TUSC3: variants seen among roughly 807,000 people sequenced by gnomAD.
The protein encoded by TUSC3 is tumor suppressor candidate 3.
A neutral mutation model predicts 44.8 loss-of-function variants in TUSC3; 45 were observed. The ratio of observed to expected loss-of-function variants is 1.00; its 90% CI spans 0.79 to 1.29. TUSC3 has a LOEUF of 1.29. TUSC3 is among the 50% of genes most tolerant of loss of function. The pLI is 0.00. For missense variants in TUSC3, 519 were observed against 437.9 expected, an observed-to-expected ratio of 1.19 and a Z score of -1.65; for synonymous variants, 212 against 152.9, an observed-to-expected ratio of 1.39 and a Z score of -2.85.
At chr8:15,718,862 A>T (rs1810176002) in intron 6 of TUSC3, among the ~76,000 whole-genome samples, 1 of 152,076 alleles carries the variant, frequency 6.6e-6, no homozygotes, top group African/African-American at 2.4e-5. Context: ...ATCAGTTTTA[A>T]TGTTGTTGCC....
intron 1 of TUSC3, among the ~76,000 whole-genome samples, chr8:15,475,106 C>G (rs766398703): frequency 1.3e-5 from 2 of 152,082 alleles, no homozygotes; most frequent in South Asian, 4.1e-4. Context: ...ATGATAATAA[C>G]AGCTAATATT....
intron 1 of TUSC3, among the ~76,000 whole-genome samples, chr8:15,437,812 A>C (rs7816558): frequency 2.0e-5 from 3 of 152,144 alleles, no homozygotes; most frequent in Middle Eastern, 3.4e-3. Flanking sequence ...GTCATGCCTT[A>C]AGGACTCAGA....
At chr8:15,511,811 C>T (rs1007107575) in intron 2 of TUSC3, among the ~76,000 whole-genome samples, 10 of 151,760 alleles carry the variant, frequency 6.6e-5, no homozygotes, top group African/African-American at 2.2e-4. Context: ...GCGAACATTG[C>T]AGTGAGCCAA....
chr8:15,490,638 T>C (rs931391190), intron 2 of TUSC3, among the ~76,000 whole-genome samples: 3 of 152,210 alleles, frequency 2.0e-5, no homozygotes, highest in Admixed American at 6.5e-5. Context: ...CTATAAAACA[T>C]GATACATTTG....
At chr8:15,495,424 A>C (rs1261525904) in intron 2 of TUSC3, among the ~76,000 whole-genome samples, 1 of 152,202 alleles carries the variant, frequency 6.6e-6, no homozygotes, top group Non-Finnish European at 1.5e-5. Flanking sequence ...CCTTCAGGTG[A>C]GTTCACATAC....
At chr8:15,770,856 G>A (rs2129227179), downstream of TUSC3, among the ~76,000 whole-genome samples, 1 of 152,174 alleles carries the variant, frequency 6.6e-6, no homozygotes, top group South Asian at 2.1e-4. Flanking sequence ...AGTACCCGAA[G>A]AAATAATGTT....
At chr8:15,615,824 A>T (rs941285106) in intron 1 of TUSC3, among the ~76,000 whole-genome samples, 1 of 152,210 alleles carries the variant, frequency 6.6e-6, no homozygotes, top group African/African-American at 2.4e-5. Flanking sequence ...AGTTAAACCC[A>T]TAAGTACTGA....
At chr8:15,671,961 G>C (rs1807966391) in intron 5 of TUSC3, among the ~76,000 whole-genome samples, 1 of 151,864 alleles carries the variant, frequency 6.6e-6, no homozygotes, top group Non-Finnish European at 1.5e-5. Context: ...TTATACAATA[G>C]TGCCTCCAGT....
intron 10 of TUSC3, chr8:15,758,311 C>T: frequency 1.1e-6 from 1 of 941,906 alleles, no homozygotes; most frequent in East Asian, 1.2e-4. Flanking sequence ...TTAAAATCAA[C>T]ATTTGCTAAA....
At chr8:15,474,617 T>C (rs1233216846) in intron 1 of TUSC3, among the ~76,000 whole-genome samples, 1 of 152,138 alleles carries the variant, frequency 6.6e-6, no homozygotes, top group African/African-American at 2.4e-5. Context: ...ATTGAGAAAA[T>C]TCAGTAAAGA....
chr8:15,552,048 C>T (rs894048250), intron 1 of TUSC3, among the ~76,000 whole-genome samples: 4 of 151,652 alleles, frequency 2.6e-5, no homozygotes, highest in African/African-American at 7.2e-5. Context: ...TTAATTATGG[C>T]AGAAGCCCAA....
chr8:15,417,368 C>T (rs1799673429), intron 1 of TUSC3: 4 of 152,204 alleles, frequency 2.6e-5, no homozygotes, highest in Admixed American at 1.3e-4. Context: ...TTTATAAAAG[C>T]ACAAGAACAG....
At chr8:15,696,167 C>T (rs1440533364) in intron 6 of TUSC3, among the ~76,000 whole-genome samples, 5 of 152,214 alleles carry the variant, frequency 3.3e-5, no homozygotes, top group Admixed American at 6.5e-5. Context: ...GCCTAGGAGG[C>T]AAAAATAGTT....
intron 1 of TUSC3, among the ~76,000 whole-genome samples, chr8:15,590,501 C>T (rs1803781697): frequency 6.6e-6 from 1 of 152,004 alleles, no homozygotes; most frequent in Non-Finnish European, 1.5e-5. Flanking sequence ...GCCAATTCCC[C>T]CATTAACATT....
At chr8:15,580,769 C>G (rs1440489315) in intron 1 of TUSC3, among the ~76,000 whole-genome samples, 1 of 133,976 alleles carries the variant, frequency 7.5e-6, no homozygotes, top group Non-Finnish European at 1.6e-5. Context: ...TTCATTTCAA[C>G]TTTGGTGAAT....
At chr8:15,586,653 G>T (rs1435171458) in intron 1 of TUSC3, among the ~76,000 whole-genome samples, 2 of 152,108 alleles carry the variant, frequency 1.3e-5, no homozygotes, top group Non-Finnish European at 2.9e-5. Flanking sequence ...ATGCAACATG[G>T]TTTTAATTTT....
At chr8:15,597,691 C>G (rs1804127446) in intron 1 of TUSC3, among the ~76,000 whole-genome samples, 1 of 152,010 alleles carries the variant, frequency 6.6e-6, no homozygotes, top group African/African-American at 2.4e-5. Flanking sequence ...AAAACAAAAC[C>G]TTCATGAGTT....
At chr8:15,830,386 A>G in the TUSC3 span, among the ~76,000 whole-genome samples, 1 of 152,154 alleles carries the variant, frequency 6.6e-6, no homozygotes, top group African/African-American at 2.4e-5. Context: ...AGGATTTCCT[A>G]GGTTTTCTTC....
At chr8:15,486,054 A>G (rs1800728892) in intron 2 of TUSC3, among the ~76,000 whole-genome samples, 1 of 152,144 alleles carries the variant, frequency 6.6e-6, no homozygotes, top group African/African-American at 2.4e-5. Context: ...TTGGCCTCCC[A>G]TGGTGCCTGA....
Sources: allele counts gnomAD v4.1 joint callset (sites outside exome capture counted in the v4.1 genomes callset), GRCh38; gene constraint gnomAD v4.1.1; transcripts MANE v1.5; gene names NCBI Gene and HGNC (gene_info 2026-07-23, HGNC 2026-07-21).